Variants in TANC1 observed in about 807,000 individuals in gnomAD.
The protein encoded by TANC1 is protein TANC1.
A neutral mutation model predicts 149.7 loss-of-function variants in TANC1; 77 were observed. The ratio of observed to expected loss-of-function variants is 0.51; its 90% confidence interval spans 0.43 to 0.62. TANC1 has a LOEUF of 0.62. TANC1 is among the 20% of genes least tolerant of loss of function. TANC1 has a pLI of 0.00. For synonymous variants in TANC1, 854 were observed against 925.0 expected, an observed-to-expected ratio of 0.92 and a Z score of 1.39; for missense variants, 1,985 against 2,321.8, an observed-to-expected ratio of 0.85 and a Z score of 2.98.
intron 2 of TANC1, among the ~76,000 whole-genome samples, chr2:159,038,340 T>C (rs2040367626): frequency 6.6e-6 from 1 of 152,176 alleles, no homozygotes; most frequent in African/African-American, 2.4e-5. Flanking sequence ...TCAAATACCC[T>C]TTATTTCTTT....
intron 10 of TANC1, among the ~76,000 whole-genome samples, chr2:159,171,076 G>GC (rs11403782): frequency 1 from 152,294 of 152,294 alleles, 76,147 homozygotes; most frequent in Non-Finnish European, 1. Context: ...GGCCAGTGAG[G>GC]CTGATCAAGT....
Position 159,150,345 on chromosome 2 carries a change from ACTCCTCC to A in TANC1, c.496-24_496-18del. The A allele has an allele frequency of 3.1e-6, 5 of 1,602,432 alleles. No homozygotes were observed. The highest frequency in any genetic ancestry group is 4.3e-6 in the Non-Finnish European group (5 of 1,170,498). On this transcript the variant is annotated intron_variant, in intron 6 of 26. Coordinates refer to ENST00000263635, the MANE Select transcript of TANC1 (RefSeq NM_033394.3). Reference sequence around the variant, plus strand: ...GAAGCATCCTGTGTAAGCCGTGCTAACTCCTCCTTCCATTCATCTTGCAGTGCACAGC... The same window carrying A: ...GAAGCATCCTGTGTAAGCCGTGCTAATTCCATTCATCTTGCAGTGCACAGC...
intron 3 of TANC1, among the ~76,000 whole-genome samples, chr2:159,094,238 C>T (rs746843428): frequency 3.9e-5 from 6 of 152,316 alleles, no homozygotes; most frequent in African/African-American, 1.4e-4. Context: ...TATGTGAGAA[C>T]AGCCACAGGG....
intron 2 of TANC1, chr2:159,056,141 G>T: frequency 3.9e-6 from 1 of 255,962 alleles, no homozygotes. Context: ...CAGGCACTTG[G>T]GCTCAAACAT....
chr2:159,039,903 C>T (rs1355765753), intron 2 of TANC1, among the ~76,000 whole-genome samples: 1 of 152,168 alleles, frequency 6.6e-6, no homozygotes, highest in Non-Finnish European at 1.5e-5. Context: ...TCCTGGCTAT[C>T]CTTGTTAACC....
At chr2:158,969,463 G>A (rs2032502158) in intron 1 of TANC1, among the ~76,000 whole-genome samples, 1 of 152,256 alleles carries the variant, frequency 6.6e-6, no homozygotes, top group African/African-American at 2.4e-5. Flanking sequence ...TAGGGGTGGG[G>A]CGCTGAGAAG....
chr2:159,174,859 C>A, intron 11 of TANC1, 94 bp from the exon 12 acceptor site: 1 of 924,054 alleles, frequency 1.1e-6, no homozygotes, highest in Non-Finnish European at 1.8e-6. Context: ...TATCTTGTTA[C>A]CAGCGAATGG....
intron 3 of TANC1, 41 bp from the exon 4 acceptor site, chr2:159,097,596 T>C: frequency 6.8e-7 from 1 of 1,480,138 alleles, no homozygotes; most frequent in Non-Finnish European, 9.4e-7. Context: ...CAACTTATAA[T>C]GAATGGATGG....
intron 24 of TANC1, chr2:159,226,637 G>C (rs1392289737): frequency 1.3e-5 from 2 of 152,100 alleles, no homozygotes; most frequent in Non-Finnish European, 2.9e-5. Flanking sequence ...TTTTCCCTTG[G>C]AAATGGAAAT....
intron 4 of TANC1, among the ~76,000 whole-genome samples, chr2:159,128,407 G>T (rs2049714976): frequency 6.6e-6 from 1 of 152,222 alleles, no homozygotes; most frequent in African/African-American, 2.4e-5. Flanking sequence ...GAGGAGAGCT[G>T]TCAGCAGTTT....
intron 3 of TANC1, among the ~76,000 whole-genome samples, chr2:159,071,971 G>T (rs541312184): frequency 6.6e-6 from 1 of 152,090 alleles, no homozygotes; most frequent in African/African-American, 2.4e-5. Flanking sequence ...GGACTTCTGT[G>T]TTTTTTTGTT....
In TANC1 at chr2:159,194,365, G is replaced by A. The variant is rs1471268644; in HGVS notation, c.2851G>A (p.Val951Ile). The change falls in exon 17 of 27, where the codon GTC becomes ATC. Residue 951 changes from valine to isoleucine, a missense_variant. This residue lies in a region of TANC1 where 508 missense variants were observed against 714.2 expected (regional missense o/e 0.71). Transcript: ENST00000263635. The part of the protein sequence containing the change: ...VQSHLGHEEV[V>I]TLLLEFGACL... ...GTCTCACCTTGGCCACGAGGAAGTT[G>A]TCACTCTGCTCCTGGAATTTGGTGC... 4 of 1,614,290 alleles carry A rather than the reference G, an allele frequency of 2.5e-6. No individual in the cohort carries two copies. Among genetic ancestry groups the A allele is most frequent in the Non-Finnish European group, 3.4e-6 (4 of 1,180,058 alleles).
chr2:159,034,790 T>C (rs953571458), intron 2 of TANC1, among the ~76,000 whole-genome samples: 3 of 152,234 alleles, frequency 2.0e-5, no homozygotes, highest in Non-Finnish European at 2.9e-5. Context: ...AGCTTTCTTT[T>C]ATTTGCTTTA....
intron 2 of TANC1, among the ~76,000 whole-genome samples, chr2:159,025,223 TTC>T (rs1322823399): frequency 2.7e-5 from 4 of 150,378 alleles, no homozygotes; most frequent in African/African-American, 9.8e-5. Context: ...CTTTCTTTCT[TTC>T]TTTCTTTCTT....
chr2:159,150,315 G>A lies in TANC1; in HGVS notation c.496-55G>A. On this transcript the variant is annotated intron_variant, in intron 6 of 26. Transcript: ENST00000263635. The stretch of plus-strand genomic sequence containing the variant: ...TGTTTTAGCACAAAAACAAAAGCAT[G>A]TGTCGAAGCATCCTGTGTAAGCCGT... 22 of 1,430,378 alleles carry A rather than the reference G, an allele frequency of 1.5e-5. No homozygotes were observed. In the South Asian group the frequency reaches 2.6e-4, roughly 17 times the overall value. 88.6% of individuals were successfully genotyped at this position (1,430,378 alleles called of 1,614,324 possible). A position where few individuals can be genotyped will look rare whatever the true frequency, so the allele number is the denominator to read the frequency against.
At chr2:158,995,846 C>T (rs900409281) in intron 1 of TANC1, among the ~76,000 whole-genome samples, 4 of 152,018 alleles carry the variant, frequency 2.6e-5, no homozygotes, top group East Asian at 1.9e-4. Flanking sequence ...GGATTACAGC[C>T]GACCCGAGGG....
intron 3 of TANC1, among the ~76,000 whole-genome samples, chr2:159,084,844 A>C (rs1366963009): frequency 3.9e-5 from 6 of 152,166 alleles, no homozygotes; most frequent in African/African-American, 1.4e-4. Context: ...TATCTGGGAC[A>C]GTCCAGTGTG....
intron 14 of TANC1, 109 bp from the exon 15 acceptor site, chr2:159,185,682 G>T: frequency 1.4e-6 from 1 of 714,510 alleles, no homozygotes; most frequent in South Asian, 1.8e-5. Context: ...TTACATCTTT[G>T]TCACGGGCAT....
intron 2 of TANC1, among the ~76,000 whole-genome samples, chr2:159,043,213 G>A (rs1437382396): frequency 6.6e-6 from 1 of 152,194 alleles, no homozygotes; most frequent in Non-Finnish European, 1.5e-5. Flanking sequence ...CAGAGCTGGT[G>A]TTGATAAACT....
Sources: allele counts gnomAD v4.1 joint callset (sites outside exome capture counted in the v4.1 genomes callset), GRCh38; gene constraint gnomAD v4.1.1; regional missense constraint gnomAD v4.1.1; transcripts MANE v1.5; gene names NCBI Gene and HGNC (gene_info 2026-07-23, HGNC 2026-07-21).